The following ST6GALNAC6 variants were observed in gnomAD, a reference collection of about 807,000 sequenced individuals.
ST6GALNAC6 encodes ST6 N-acetylgalactosaminide alpha-2,6-sialyltransferase 6, also known as alpha-N-acetylgalactosaminide alpha-2,6-sialyltransferase 6.
ST6GALNAC6 carries 19 observed loss-of-function variants against 34.3 expected under a neutral mutation model. The ratio of observed to expected loss-of-function variants is 0.55; its 90% CI spans 0.39 to 0.81. ST6GALNAC6 has a LOEUF of 0.81. ST6GALNAC6 is among the 40% of genes least tolerant of loss of function. ST6GALNAC6 has a pLI of 0.00. For synonymous variants in ST6GALNAC6, 185 were observed against 182.1 expected (o/e 1.02, Z -0.13); for missense variants, 377 against 467.7 (o/e 0.81, Z 1.79).
chr9:127,890,502 G>A lies in ST6GALNAC6; in HGVS notation c.704+135C>T. ...GCTGGACATGAAGAGAACTCTCCTA[G>A]GAGGCCCAACCAGAGGACGGCGGGA... On this transcript the variant is annotated intron_variant, in intron 5 of 6. Transcript: ENST00000373146. The surrounding 1 kb of genome is among the most constrained non-coding windows in gnomAD (Gnocchi z 4.3). The A allele has an allele frequency of 7.9e-7, 1 of 1,272,682 alleles. No homozygotes were observed. The highest frequency in any genetic ancestry group is 1.1e-6 in the Non-Finnish European group (1 of 921,610). The allele number at this position is 1,272,682 out of a possible 1,614,324, so 78.8% of individuals were successfully genotyped here. A position where few individuals can be genotyped will look rare whatever the true frequency, so the allele number is the denominator to read the frequency against.
intron 2 of ST6GALNAC6, chr9:127,897,513 C>T: frequency 2.3e-6 from 2 of 871,150 alleles, no homozygotes; most frequent in Non-Finnish European, 2.8e-6. Flanking sequence ...CGTGGGAGCG[C>T]CCCTCATCCG....
chr9:127,902,403 G>A (rs950709736), upstream of ST6GALNAC6, among the ~76,000 whole-genome samples: 3 of 151,932 alleles, frequency 2.0e-5, no homozygotes, highest in Non-Finnish European at 4.4e-5. Flanking sequence ...TAGGTGATCC[G>A]CCTGCCTCAG....
upstream of ST6GALNAC6, among the ~76,000 whole-genome samples, chr9:127,900,596 A>C (rs565298334): frequency 6.9e-6 from 1 of 145,186 alleles, no homozygotes; most frequent in East Asian, 2.1e-4. Flanking sequence ...AGAAGGATGC[A>C]GGTCAGTATG....
At chr9:127,888,657 A>C (rs1198384026) in intron 5 of ST6GALNAC6, among the ~76,000 whole-genome samples, 3 of 150,186 alleles carry the variant, frequency 2.0e-5, no homozygotes, top group Non-Finnish European at 4.4e-5. Flanking sequence ...AAATACAAAA[A>C]TTAGCTGGCG....
At chr9:127,905,173 T>C (rs1830886066) in intron 1 of ST6GALNAC6, 1 of 970,906 alleles carries the variant, frequency 1.0e-6, no homozygotes. Flanking sequence ...AGGTGATCCC[T>C]GGGGCTGTGG....
upstream of ST6GALNAC6, among the ~76,000 whole-genome samples, chr9:127,902,523 T>G (rs187404380): frequency 6.6e-6 from 1 of 152,064 alleles, no homozygotes; most frequent in East Asian, 1.9e-4. Context: ...TTTTTTCTTT[T>G]GGTTTAACTG....
At position 127,897,951 on chromosome 9, in the gene ST6GALNAC6, C is replaced by T. The variant is rs779595199; in HGVS notation, c.26+5G>A. On this transcript the variant is annotated splice_donor_5th_base_variant and intron_variant, in intron 2 of 6. Coordinates refer to ENST00000373146, the MANE Select transcript of ST6GALNAC6 (RefSeq NM_013443.5). ...GCCAGTGCGAATCCCGGTTTCACCA[C>T]TTACTGGCTGGGGGGCCTCGAGCAA... The T allele has an allele frequency of 1.2e-6, 2 of 1,612,188 alleles. No individual in the cohort carries two copies. Among genetic ancestry groups the T allele is most frequent in the Admixed American group, 3.3e-5 (2 of 59,862 alleles).
chr9:127,887,348 T>G (rs1829837416), intron 6 of ST6GALNAC6, 136 bp downstream of exon 6: 1 of 653,744 alleles, frequency 1.5e-6, no homozygotes. Context: ...AGCCTAGATC[T>G]CTGAAGAACA....
intron 4 of ST6GALNAC6, among the ~76,000 whole-genome samples, chr9:127,892,984 C>G (rs147992477): frequency 3.9e-5 from 6 of 152,214 alleles, no homozygotes; most frequent in Admixed American, 3.9e-4. Context: ...CACGCCTCCT[C>G]ATTTGGCTGG....
At chr9:127,893,717 T>C (rs1202624167) in intron 4 of ST6GALNAC6, among the ~76,000 whole-genome samples, 1 of 152,216 alleles carries the variant, frequency 6.6e-6, no homozygotes, top group East Asian at 1.9e-4. Flanking sequence ...CAAGGGTTCT[T>C]AGGGTAGAGA....
upstream of ST6GALNAC6, chr9:127,902,990 C>CTTTTTT (rs10551658): frequency 7.4e-5 from 4 of 54,118 alleles, no homozygotes; most frequent in African/African-American, 2.4e-4. Context: ...TTTTTGCTTG[C>CTTTTTT]TTTTTTTTTT....
chr9:127,886,830 C>T (rs770979152), intron 6 of ST6GALNAC6, 42 bp from the exon 7 acceptor site: 5 of 1,548,298 alleles, frequency 3.2e-6, no homozygotes, highest in Admixed American at 3.9e-5. Context: ...AAGGTGAGCG[C>T]TGGCAGGGTC....
chr9:127,902,080 A>G (rs1830777227), upstream of ST6GALNAC6, among the ~76,000 whole-genome samples: 1 of 152,230 alleles, frequency 6.6e-6, no homozygotes, highest in Non-Finnish European at 1.5e-5. Context: ...CAAATATGAC[A>G]CCATATCACA....
At chr9:127,892,419 C>T (rs1369005367) in intron 4 of ST6GALNAC6, among the ~76,000 whole-genome samples, 1 of 152,194 alleles carries the variant, frequency 6.6e-6, no homozygotes, top group African/African-American at 2.4e-5. Context: ...GAGACAGAGG[C>T]CTGGACTCTG....
At chr9:127,898,070 G>C in intron 1 of ST6GALNAC6, 60 bp from the exon 2 acceptor site, 1 of 887,114 alleles carries the variant, frequency 1.1e-6, no homozygotes, top group South Asian at 1.4e-5. Context: ...GATTCAAGCA[G>C]ATGTGGCAAG....
intron 4 of ST6GALNAC6, 86 bp downstream of exon 4, chr9:127,894,426 G>C: frequency 6.6e-7 from 1 of 1,508,408 alleles, no homozygotes; most frequent in Non-Finnish European, 9.0e-7. Context: ...TGACTCTCAG[G>C]GTCCACCTTT....
chr9:127,901,995 G>A (rs1008849594), upstream of ST6GALNAC6, among the ~76,000 whole-genome samples: 1 of 152,172 alleles, frequency 6.6e-6, no homozygotes, highest in African/African-American at 2.4e-5. Context: ...AAAGAGGTAT[G>A]CAAGTTACAG....
Position 127,894,558 on chromosome 9 carries a change from T to A in ST6GALNAC6, c.251A>T (p.Lys84Met). 6.2e-7 allele frequency: 1 copy of A among 1,614,142 alleles called. No homozygotes were observed. The highest frequency in any genetic ancestry group is 8.5e-7 in the Non-Finnish European group (1 of 1,180,026). ...ATAGCCGTCAGTGATGCTCCACTTC[T>A]TGAGGTTGACAGGTCGGCGGCTACG... is the stretch of plus-strand genomic sequence containing the variant. ...RGRSRRPVNL[K>M]KWSITDGYVP... The change falls in exon 4 of 7, where the codon AAG (lysine) becomes ATG (methionine). Residue 84 changes from lysine (K) to methionine (M), a missense_variant. Lys to Met is a moderately conservative substitution (Grantham distance 95). Coordinates refer to ENST00000373146, the MANE Select transcript of ST6GALNAC6 (RefSeq NM_013443.5).
At chr9:127,895,018 G>T (rs1404395294) in intron 3 of ST6GALNAC6, among the ~76,000 whole-genome samples, 1 of 152,162 alleles carries the variant, frequency 6.6e-6, no homozygotes, top group Non-Finnish European at 1.5e-5. Flanking sequence ...GAATATGTCA[G>T]GATTCCCTAT....
Sources: gnomAD v4.1 joint callset for allele counts (sites outside exome capture counted in the v4.1 genomes callset) on GRCh38, gnomAD v4.1.1 for gene constraint, Gnocchi (gnomAD v3.1) non-coding constraint, MANE v1.5 for transcripts, NCBI Gene and HGNC (gene_info 2026-07-23, HGNC 2026-07-21) for gene names.